The following ZNF451 variants were observed in gnomAD, a reference collection of about 807,000 sequenced individuals.
ZNF451 encodes E3 SUMO-protein ligase ZNF451.
In ZNF451, 80 loss-of-function variants were observed where a neutral mutation model predicts 107.1. That is an observed-to-expected ratio of 0.75 (90% CI 0.62 to 0.90). ZNF451 has a LOEUF of 0.90. Among genes scored for constraint, ZNF451 ranks in the 40% least tolerant of loss-of-function variants. The pLI is 0.00. For synonymous variants in ZNF451, 362 were observed against 406.5 expected, an observed-to-expected ratio of 0.89 and a Z score of 1.32; for missense variants, 1,107 against 1,236.2, an observed-to-expected ratio of 0.90 and a Z score of 1.57.
chr6:57,166,795 AG>A (rs1384790110), intron 14 of ZNF451, among the ~76,000 whole-genome samples: 2 of 152,236 alleles, frequency 1.3e-5, no homozygotes, highest in Non-Finnish European at 1.5e-5. Context: ...CAAACACATG[AG>A]TAATATGTTG....
At chr6:57,115,585 T>C (rs1240986066) in intron 3 of ZNF451, 2 of 152,208 alleles carry the variant, frequency 1.3e-5, no homozygotes, top group Non-Finnish European at 2.9e-5. Flanking sequence ...GATAAAAATG[T>C]AAAGAAGTAT....
intron 3 of ZNF451, among the ~76,000 whole-genome samples, chr6:57,118,722 G>C (rs1487172092): frequency 3.3e-5 from 5 of 151,958 alleles, no homozygotes; most frequent in Non-Finnish European, 7.4e-5. Flanking sequence ...GGGCTCAAGT[G>C]AACCTCCTGC....
At chr6:57,117,346 T>C (rs1197697839) in intron 3 of ZNF451, among the ~76,000 whole-genome samples, 1 of 152,090 alleles carries the variant, frequency 6.6e-6, no homozygotes, top group Non-Finnish European at 1.5e-5. Context: ...TTTCCAGATT[T>C]TTGGATTAGG....
At chr6:57,124,596 T>TAA (rs1562606038) in intron 3 of ZNF451, 138 bp from the exon 4 acceptor site, 1 of 736,182 alleles carries the variant, frequency 1.4e-6, no homozygotes, top group African/African-American at 1.8e-5. Context: ...AAATACCACA[T>TAA]AAAACCTACA....
chr6:57,141,455 G>A lies in ZNF451; in HGVS notation c.856G>A (p.Asp286Asn), dbSNP rs1339198588. Residue 286 changes from aspartate to asparagine, a missense_variant and splice_region_variant, in exon 8 of 15, where the codon GAT becomes AAT. Physicochemically the swap from Asp to Asn is conservative, Grantham distance 23. Coordinates refer to ENST00000370706, the MANE Select transcript of ZNF451 (RefSeq NM_001031623.3). ...NHFHQSFKLG[D>N]NKGIAHPISF... ...TTTCCATCAGAGTTTCAAACTGGGT[G>A]GTATGTTAATACTCTCTTCTGCTGA... 42 of 1,608,564 alleles carry A rather than the reference G, an allele frequency of 2.6e-5. No individual in the cohort carries two copies. Among genetic ancestry groups the A allele is most frequent in the Non-Finnish European group, 3.6e-5 (42 of 1,176,964 alleles).
chr6:57,153,782 G>A, intron 12 of ZNF451, 79 bp from the exon 13 acceptor site: 1 of 1,427,198 alleles, frequency 7.0e-7, no homozygotes, highest in Non-Finnish European at 9.8e-7. Context: ...CTAGGCATGT[G>A]TTCATTCTGA....
intron 7 of ZNF451, among the ~76,000 whole-genome samples, chr6:57,140,141 G>GA (rs1445271442): frequency 1.3e-5 from 2 of 151,852 alleles, no homozygotes; most frequent in Non-Finnish European, 2.9e-5. Context: ...ACCAGAAGGA[G>GA]AAAAAACAAA....
intron 9 of ZNF451, among the ~76,000 whole-genome samples, chr6:57,146,017 A>G (rs1156423855): frequency 2.0e-5 from 3 of 152,202 alleles, no homozygotes; most frequent in Non-Finnish European, 2.9e-5. Flanking sequence ...ATGGTATCGC[A>G]TTGTTTTAAT....
At chr6:57,124,271 C>G (rs990779043) in intron 3 of ZNF451, among the ~76,000 whole-genome samples, 2 of 152,010 alleles carry the variant, frequency 1.3e-5, no homozygotes, top group African/African-American at 4.8e-5. Context: ...GTGTGAGGGC[C>G]CCTCTATGGC....
At chr6:57,135,599 G>A (rs1221272076) in intron 7 of ZNF451, among the ~76,000 whole-genome samples, 1 of 152,088 alleles carries the variant, frequency 6.6e-6, no homozygotes, top group African/African-American at 2.4e-5. Flanking sequence ...AAATTGTTCT[G>A]TGATTTAAAG....
At chr6:57,137,869 A>G (rs1012094720) in intron 7 of ZNF451, among the ~76,000 whole-genome samples, 2 of 152,198 alleles carry the variant, frequency 1.3e-5, no homozygotes, top group African/African-American at 4.8e-5. Flanking sequence ...CTTTGTGACT[A>G]GATTGTTTCA....
intron 7 of ZNF451, among the ~76,000 whole-genome samples, chr6:57,138,730 T>C (rs1244809198): frequency 8.2e-6 from 1 of 122,610 alleles, no homozygotes; most frequent in Non-Finnish European, 1.7e-5. Flanking sequence ...TATATATATA[T>C]ATATATATAT....
At chr6:57,150,904 TC>T in intron 11 of ZNF451, 42 bp downstream of exon 11, 2 of 1,610,002 alleles carry the variant, frequency 1.2e-6, no homozygotes, top group Non-Finnish European at 1.7e-6. Context: ...TTTTCCCACC[TC>T]TTAGAATATA....
intron 3 of ZNF451, among the ~76,000 whole-genome samples, chr6:57,121,697 G>T (rs1749538850): frequency 6.6e-6 from 1 of 152,220 alleles, no homozygotes; most frequent in African/African-American, 2.4e-5. Context: ...TCTCTACGAG[G>T]AAAACTATAA....
intron 13 of ZNF451, chr6:57,159,079 T>C (rs143543827): frequency 2.0e-6 from 2 of 985,458 alleles, no homozygotes; most frequent in African/African-American, 1.7e-5. Context: ...ATGAAAACTA[T>C]AGGTTGTTTC....
At chr6:57,150,615 GTTAGTATTT>G (rs1832297337) in intron 10 of ZNF451, 95 bp from the exon 11 acceptor site, 1 of 1,135,086 alleles carries the variant, frequency 8.8e-7, no homozygotes, top group African/African-American at 1.5e-5. Context: ...AACATTCAAG[GTTAGTATTT>G]TTGCATATTA....
chr6:57,147,812 C>A lies in ZNF451; in HGVS notation c.1727C>A (p.Thr576Lys). Reference protein sequence around the residue: ...VEGETLPSSSTTLDNLTANKP... With the variant: ...VEGETLPSSSKTLDNLTANKP... The stretch of plus-strand genomic sequence containing the variant: ...GGTGAAACTTTGCCATCATCCTCTA[C>A]AACATTGGATAATTTGACTGCTAAC... Residue 576 changes from threonine (T) to lysine (K), a missense_variant, in exon 10 of 15, where the codon ACA becomes AAA. Thr to Lys is a moderately conservative substitution (Grantham distance 78). Transcript: ENST00000370706. 6.2e-7 allele frequency: 1 copy of A among 1,614,060 alleles called. No homozygotes were observed.
intron 3 of ZNF451, among the ~76,000 whole-genome samples, chr6:57,119,492 C>T (rs1830532067): frequency 6.6e-6 from 1 of 152,046 alleles, no homozygotes; most frequent in Non-Finnish European, 1.5e-5. Context: ...CCACTGCACT[C>T]CAGCCTGGGT....
At chr6:57,103,634 G>A in intron 3 of ZNF451, 2 of 985,284 alleles carry the variant, frequency 2.0e-6, no homozygotes, top group Non-Finnish European at 2.4e-6. Flanking sequence ...TATTTGCTTG[G>A]CAGCCAAAAA....
Sources: gnomAD v4.1 joint callset for allele counts (sites outside exome capture counted in the v4.1 genomes callset) on GRCh38, gnomAD v4.1.1 for gene constraint, MANE v1.5 for transcripts, NCBI Gene and HGNC (gene_info 2026-07-23, HGNC 2026-07-21) for gene names.